Variants in ARHGAP12 observed in about 807,000 individuals in gnomAD.
ARHGAP12 encodes the protein rho GTPase-activating protein 12.
Under a neutral mutation model 108.6 loss-of-function variants are expected in ARHGAP12, and 64 were observed. The observed-to-expected ratio is 0.59, with a 90% CI of 0.48 to 0.73. The LOEUF (loss-of-function observed/expected upper bound fraction) is 0.73, where lower values mean the gene tolerates loss of function less well. Ranked by LOEUF, ARHGAP12 falls within the 30% of genes least tolerant of loss-of-function variation. ARHGAP12 has a pLI of 0.00. For missense variants in ARHGAP12, 940 were observed against 1,005.9 expected, an observed-to-expected ratio of 0.93 and a Z score of 0.89; for synonymous variants, 312 against 337.2, an observed-to-expected ratio of 0.93 and a Z score of 0.82.
intron 3 of ARHGAP12, among the ~76,000 whole-genome samples, chr10:31,868,369 GT>G (rs917119961): frequency 6.6e-6 from 1 of 151,968 alleles, no homozygotes; most frequent in Non-Finnish European, 1.5e-5. Context: ...TATTATATAT[GT>G]TTTTTTCTAT....
In ARHGAP12 at chr10:31,805,747, G is replaced by C. The variant is rs1834802395; in HGVS notation, c.*1911C>G. ...TTTGATATATGTTCATGAACACCAAGAACAAGAACATCACTGATTTGAGTC... is the reference window on the plus strand; with the variant it reads ...TTTGATATATGTTCATGAACACCAACAACAAGAACATCACTGATTTGAGTC... On this transcript the variant is annotated 3_prime_UTR_variant, in exon 20 of 20. Transcript: ENST00000344936. The C allele has an allele frequency of 1.3e-5, 2 of 150,560 alleles. No homozygotes were observed. Among genetic ancestry groups the C allele is most frequent in the African/African-American group, 4.9e-5 (2 of 40,686 alleles). The allele number at this position is 150,560 out of a possible 1,614,324, so 9.3% of individuals were successfully genotyped here.
chr10:31,881,915 G>GTTT (rs886188365), intron 3 of ARHGAP12, among the ~76,000 whole-genome samples: 2 of 136,030 alleles, frequency 1.5e-5, no homozygotes, highest in African/African-American at 5.5e-5. Flanking sequence ...TTGTTTAGAT[G>GTTT]TTTTTTTTTT....
intron 5 of ARHGAP12, among the ~76,000 whole-genome samples, 168 bp downstream of exon 5, chr10:31,853,898 A>C (rs1484795403): frequency 6.6e-6 from 1 of 152,244 alleles, no homozygotes; most frequent in Non-Finnish European, 1.5e-5. Flanking sequence ...AGTTTAAAAC[A>C]ATCAGTAGTT....
chr10:31,812,961 G>A (rs953792634), intron 14 of ARHGAP12, 138 bp from the exon 15 acceptor site: 2 of 478,564 alleles, frequency 4.2e-6, no homozygotes, highest in Non-Finnish European at 3.7e-6. Flanking sequence ...ACTTTAATGT[G>A]GTTTAAGGAC....
Position 31,911,774 on chromosome 10 carries a change from T to A in ARHGAP12, c.-110-1211A>T, listed in dbSNP as rs188755668. ...CAATGTCACCTACGTTATATTCTTG[T>A]CAAAAGCATGTTTCACCTTAAGCAA... On this transcript the variant is annotated intron_variant, in intron 1 of 19. Transcript: ENST00000344936. Among the ~76,000 whole-genome samples, 157 of 152,308 alleles carry A rather than the reference T, an allele frequency of 1.0e-3. 2 individuals are homozygous for A. The Middle Eastern group carries it at 0.014, about 13-fold the overall frequency.
intron 3 of ARHGAP12, among the ~76,000 whole-genome samples, chr10:31,862,025 C>A (rs1391732895): frequency 6.6e-6 from 1 of 152,168 alleles, no homozygotes; most frequent in Non-Finnish European, 1.5e-5. Context: ...GGGAATTGGA[C>A]TAAACCACCA....
chr10:31,870,230 C>CTT (rs567626260), intron 3 of ARHGAP12, among the ~76,000 whole-genome samples: 4 of 138,258 alleles, frequency 2.9e-5, no homozygotes, highest in African/African-American at 5.3e-5. Flanking sequence ...TAATTTCTGT[C>CTT]TTTTTTTTTT....
intron 12 of ARHGAP12, 74 bp downstream of exon 12, chr10:31,820,313 C>A (rs1285105161): frequency 1.6e-6 from 2 of 1,235,408 alleles, no homozygotes; most frequent in South Asian, 1.6e-5. Context: ...GACTATTTCC[C>A]AAAATAGCTC....
chr10:31,867,696 A>G (rs537456404), intron 3 of ARHGAP12, among the ~76,000 whole-genome samples: 1 of 152,198 alleles, frequency 6.6e-6, no homozygotes, highest in Non-Finnish European at 1.5e-5. Context: ...TTAAAAAAAT[A>G]TTTTTAGACC....
chr10:31,919,966 A>T (rs1051576557), intron 1 of ARHGAP12, among the ~76,000 whole-genome samples: 10 of 151,404 alleles, frequency 6.6e-5, no homozygotes, highest in African/African-American at 2.4e-4. Context: ...AAATACAAAA[A>T]TTAGCTGGCC....
chr10:31,838,290 G>C (rs1332549094), intron 9 of ARHGAP12, among the ~76,000 whole-genome samples: 1 of 152,132 alleles, frequency 6.6e-6, no homozygotes, highest in Non-Finnish European at 1.5e-5. Context: ...CAACAAGCAA[G>C]AAGGGAAAAG....
At chr10:31,823,718 A>G (rs552000748) in intron 11 of ARHGAP12, among the ~76,000 whole-genome samples, 1 of 152,270 alleles carries the variant, frequency 6.6e-6, no homozygotes, top group East Asian at 1.9e-4. Flanking sequence ...TTCAAACTCA[A>G]CTGAAGGAAA....
Position 31,808,630 on chromosome 10 carries a change from G to C in ARHGAP12, c.2366+19C>G. 6.2e-7 allele frequency: 1 copy of C among 1,609,922 alleles called. No individual in the cohort carries two copies. The highest frequency in any genetic ancestry group is 8.5e-7 in the Non-Finnish European group (1 of 1,176,774). ...CCCCTTGTGCTATACCACATCCCAT[G>C]ACTGGGCAGTCCTCCTACCTTCTGA... On this transcript the variant is annotated intron_variant, in intron 19 of 19. Transcript: ENST00000344936.
At chr10:31,822,997 A>C (rs754808552) in intron 11 of ARHGAP12, among the ~76,000 whole-genome samples, 1 of 152,208 alleles carries the variant, frequency 6.6e-6, no homozygotes, top group Non-Finnish European at 1.5e-5. Flanking sequence ...TGTACAAATG[A>C]ATGTTTGAAT....
At chr10:31,869,009 C>G (rs1264526190) in intron 3 of ARHGAP12, among the ~76,000 whole-genome samples, 4 of 152,142 alleles carry the variant, frequency 2.6e-5, no homozygotes, top group Non-Finnish European at 4.4e-5. Flanking sequence ...GGCAAACTAG[C>G]CTCTTCAGCC....
At chr10:31,833,622 A>G (rs1412646388) in intron 9 of ARHGAP12, among the ~76,000 whole-genome samples, 1 of 152,192 alleles carries the variant, frequency 6.6e-6, no homozygotes, top group East Asian at 1.9e-4. Context: ...TAAAGAACAA[A>G]ATTTGCTACA....
chr10:31,857,080 C>G (rs534794256), intron 4 of ARHGAP12, among the ~76,000 whole-genome samples: 1 of 138,200 alleles, frequency 7.2e-6, no homozygotes, highest in South Asian at 2.1e-4. Flanking sequence ...TCAAATCATT[C>G]ATCTGATTCA....
intron 5 of ARHGAP12, 97 bp from the exon 6 acceptor site, chr10:31,852,694 A>T (rs1439845377): frequency 2.6e-5 from 16 of 615,384 alleles, no homozygotes; most frequent in East Asian, 3.7e-5. Flanking sequence ...TATGAATTTT[A>T]TTCTACTTGA....
chr10:31,885,012 T>C (rs1232630122), intron 3 of ARHGAP12, among the ~76,000 whole-genome samples: 1 of 152,134 alleles, frequency 6.6e-6, no homozygotes, highest in African/African-American at 2.4e-5. Context: ...ATGAGATGTT[T>C]TGATACAGGT....
Sources: gnomAD v4.1 joint callset for allele counts (sites outside exome capture counted in the v4.1 genomes callset) on GRCh38, gnomAD v4.1.1 for gene constraint, MANE v1.5 for transcripts, NCBI Gene and HGNC (gene_info 2026-07-23, HGNC 2026-07-21) for gene names.